The following PARD3B variants were observed in gnomAD, a reference collection of about 807,000 sequenced individuals.
PARD3B encodes par-3 family cell polarity regulator beta, also known as partitioning defective 3 homolog B.
PARD3B carries 103 observed loss-of-function variants against 130.2 expected under a neutral mutation model. That is an observed-to-expected ratio of 0.79 (90% CI 0.67 to 0.93). The LOEUF is 0.93. PARD3B is among the 40% of genes least tolerant of loss of function. PARD3B has a pLI of 0.00. For synonymous variants in PARD3B, 583 were observed against 553.2 expected (o/e 1.05, Z -0.76); for missense variants, 1,609 against 1,499.2 (o/e 1.07, Z -1.21).
In PARD3B at chr2:205,230,255, C is replaced by G. The variant is rs900361170; in HGVS notation, c.2141-15523C>G. On this transcript the variant is annotated intron_variant, in intron 15 of 22. Coordinates refer to ENST00000406610, the MANE Select transcript of PARD3B (RefSeq NM_001302769.2). The surrounding 1 kb of genome is among the most constrained non-coding windows in gnomAD (Gnocchi z 4.1). ...TGTGCTGGGCCATACCATAAGTTAGCATGTCTCTGAGTCTCACCCAAGACC... is the reference window on the plus strand; with the variant it reads ...TGTGCTGGGCCATACCATAAGTTAGGATGTCTCTGAGTCTCACCCAAGACC... Among the ~76,000 whole-genome samples, 2 of 152,088 alleles carry G rather than the reference C, an allele frequency of 1.3e-5. No homozygotes were observed. The highest frequency in any genetic ancestry group is 2.9e-5 in the Non-Finnish European group (2 of 68,020).
intron 18 of PARD3B, among the ~76,000 whole-genome samples, chr2:205,337,230 T>C (rs1210486727): frequency 2.6e-5 from 4 of 152,202 alleles, no homozygotes; most frequent in Non-Finnish European, 5.9e-5. Context: ...TTGAAAGATA[T>C]TTTGTGACTT....
chr2:205,104,170 G>C lies in PARD3B; in HGVS notation c.505-256G>C, dbSNP rs144411329. 3.4e-3 allele frequency among the ~76,000 whole-genome samples: 517 copies of C among 152,266 alleles called. 2 individuals carry two copies. Among genetic ancestry groups the C allele is most frequent in the African/African-American group, 0.012 (501 of 41,562 alleles). ...AAAGCCTATGGCTGAGTAGCAAGAA[G>C]CTAAATGTATTCCAAAGCTCTTAAC... On this transcript the variant is annotated intron_variant, in intron 4 of 22. Coordinates refer to ENST00000406610, the MANE Select transcript of PARD3B (RefSeq NM_001302769.2).
intron 11 of PARD3B, among the ~76,000 whole-genome samples, chr2:205,165,722 A>AAAATAAATAAAT (rs71032449): frequency 1.1e-3 from 155 of 146,176 alleles, no homozygotes; most frequent in African/African-American, 3.4e-3. Flanking sequence ...CTCTGTCTCA[A>AAAATAAATAAAT]AAATAAATAA....
At chr2:204,567,300 G>A (rs1298493634) in intron 1 of PARD3B, among the ~76,000 whole-genome samples, 3 of 151,728 alleles carry the variant, frequency 2.0e-5, no homozygotes, top group East Asian at 3.9e-4. Context: ...TGCAACTGTC[G>A]CCACCACCCA....
Position 205,301,637 on chromosome 2 carries a change from C to A in PARD3B, c.2566C>A (p.Arg856Ser), listed in dbSNP as rs781674638. ...KGKLKVKEKK[R>S]KEENEDPERK... ...CAAATTGAAAGTCAAGGAGAAAAAG[C>A]GCAAAGAGGAGAATGAAGATCCAGA... Residue 856 changes from arginine to serine, a missense_variant, in exon 18 of 23, where the codon CGC becomes AGC. Transcript: ENST00000406610. The surrounding 1 kb of genome is among the most constrained non-coding windows in gnomAD (Gnocchi z 5.2). 6 of 1,612,808 alleles carry A rather than the reference C, an allele frequency of 3.7e-6. No homozygotes were observed. The South Asian group carries it at 5.5e-5, about 15-fold the overall frequency.
At chr2:204,795,816 AT>A (rs2042353328) in intron 2 of PARD3B, among the ~76,000 whole-genome samples, 1 of 152,358 alleles carries the variant, frequency 6.6e-6, no homozygotes, top group Admixed American at 6.5e-5. Context: ...CAATGTGAAA[AT>A]CATTTTTAGT....
In PARD3B at chr2:204,606,031, TG is replaced by T. The variant is rs2033711594; in HGVS notation, c.120+59915del. Among the ~76,000 whole-genome samples, 2 of 152,170 alleles carry T rather than the reference TG, an allele frequency of 1.3e-5. No homozygotes were observed. The highest frequency in any genetic ancestry group is 6.6e-5 in the Admixed American group (1 of 15,262). ...AGGGATCTTCTCTCCCTCTCTCCAT[TG>T]GGACATGATATTACCAAGAAGTGCT... On this transcript the variant is annotated intron_variant, in intron 1 of 22. Coordinates refer to ENST00000406610, the MANE Select transcript of PARD3B (RefSeq NM_001302769.2). This position sits in a 1 kb window ranked among gnomAD's most constrained non-coding sequence, Gnocchi z 4.0.
chr2:205,032,134 A>T (rs951551529), intron 3 of PARD3B, among the ~76,000 whole-genome samples: 1 of 152,264 alleles, frequency 6.6e-6, no homozygotes, highest in East Asian at 1.9e-4. Flanking sequence ...TTGGATTTTG[A>T]TTCACATTGA....
intron 2 of PARD3B, among the ~76,000 whole-genome samples, chr2:204,843,363 G>T (rs180848066): frequency 7.9e-5 from 12 of 152,120 alleles, no homozygotes; most frequent in Non-Finnish European, 1.5e-4. Flanking sequence ...AGAACTCACA[G>T]AACTCAGTTA....
chr2:205,173,205 A>G (rs1328888832), intron 12 of PARD3B, among the ~76,000 whole-genome samples: 2 of 152,198 alleles, frequency 1.3e-5, no homozygotes, highest in Non-Finnish European at 2.9e-5. Context: ...AAATTTAAAA[A>G]ACTATTTAAA....
intron 2 of PARD3B, among the ~76,000 whole-genome samples, chr2:204,955,220 G>A (rs1215594011): frequency 1.3e-5 from 2 of 152,054 alleles, no homozygotes; most frequent in East Asian, 1.9e-4. Flanking sequence ...TTCAAAACTA[G>A]GTCTGTTAAT....
intron 1 of PARD3B, among the ~76,000 whole-genome samples, chr2:204,651,933 A>G (rs530817999): frequency 6.6e-6 from 1 of 152,254 alleles, no homozygotes; most frequent in South Asian, 2.1e-4. Context: ...CCTCGCAGCC[A>G]TGGCTGGAAC....
At chr2:204,996,850 G>GC (rs1477472659) in intron 3 of PARD3B, among the ~76,000 whole-genome samples, 1 of 147,258 alleles carries the variant, frequency 6.8e-6, no homozygotes, top group Non-Finnish European at 1.5e-5. Context: ...TTTTCCAGGT[G>GC]CGTCCGTCAC....
chr2:205,474,693 A>G (rs920412903), intron 20 of PARD3B, among the ~76,000 whole-genome samples: 13 of 152,184 alleles, frequency 8.5e-5, no homozygotes, highest in African/African-American at 2.7e-4. Flanking sequence ...GATGAATCAA[A>G]GGCTTGAAAC....
rs561609655 is a variant in PARD3B, at chr2:205,461,448, G to A, written c.3044+20776G>A. On this transcript the variant is annotated intron_variant, in intron 20 of 22. Coordinates refer to ENST00000406610, the MANE Select transcript of PARD3B (RefSeq NM_001302769.2). The surrounding 1 kb of genome is among the most constrained non-coding windows in gnomAD (Gnocchi z 4.3). ...TGAACCAAGAGGTATTCCCTAGCAC[G>A]GACTGCCATGTAGAAAAGGTCCCCT... Among the ~76,000 whole-genome samples, 52 of 152,174 alleles carry A rather than the reference G, an allele frequency of 3.4e-4. No homozygotes were observed. Among genetic ancestry groups the A allele is most frequent in the Non-Finnish European group, 5.0e-4 (34 of 68,012 alleles).
In PARD3B at chr2:205,241,644, A is replaced by T. The variant is rs1238907960; in HGVS notation, c.2141-4134A>T. On this transcript the variant is annotated intron_variant, in intron 15 of 22. Transcript: ENST00000406610. This position sits in a 1 kb window ranked among gnomAD's most constrained non-coding sequence, Gnocchi z 4.2. ...TCTGTCATCAGAACGAGAACAAGAA[A>T]CTTAGACTCTTGCTCCATCAACACT... Among the ~76,000 whole-genome samples the T allele has an allele frequency of 1.3e-5, 2 of 152,176 alleles. No homozygotes were observed. Among genetic ancestry groups the T allele is most frequent in the East Asian group, 3.8e-4 (2 of 5,198 alleles).
At chr2:205,030,336 G>C (rs891980390) in intron 3 of PARD3B, among the ~76,000 whole-genome samples, 2 of 152,046 alleles carry the variant, frequency 1.3e-5, no homozygotes, top group Non-Finnish European at 2.9e-5. Context: ...AGGCATCCTG[G>C]CCAAAAAGAA....
chr2:204,652,938 A>C (rs536534587), intron 1 of PARD3B, among the ~76,000 whole-genome samples: 1 of 151,190 alleles, frequency 6.6e-6, no homozygotes, highest in African/African-American at 2.5e-5. Flanking sequence ...CTCACTCACT[A>C]TCATGACAAT....
intron 21 of PARD3B, among the ~76,000 whole-genome samples, chr2:205,546,294 C>G (rs923222699): frequency 3.3e-5 from 5 of 152,084 alleles, no homozygotes; most frequent in African/African-American, 1.2e-4. Flanking sequence ...GATAAATATG[C>G]CCCAAATCCA....
Sources: gnomAD v4.1 joint callset for allele counts (sites outside exome capture counted in the v4.1 genomes callset) on GRCh38, gnomAD v4.1.1 for gene constraint, Gnocchi (gnomAD v3.1) non-coding constraint, MANE v1.5 for transcripts, NCBI Gene and HGNC (gene_info 2026-07-23, HGNC 2026-07-21) for gene names.